The following PAPPA variants were observed in gnomAD, a reference collection of about 807,000 sequenced individuals.
PAPPA encodes the protein pappalysin-1.
Under a neutral mutation model 164.0 loss-of-function variants are expected in PAPPA, and 60 were observed. The observed-to-expected ratio is 0.37, with a 90% CI of 0.30 to 0.45. The LOEUF (loss-of-function observed/expected upper bound fraction) is 0.45, where lower values mean the gene tolerates loss of function less well. Ranked by LOEUF, PAPPA falls within the 20% of genes least tolerant of loss-of-function variation. The probability of loss-of-function intolerance (pLI) is 1.00; values close to 1 mark genes in which losing one functional copy is unlikely to be tolerated. For missense variants in PAPPA, 1,782 were observed against 2,087.3 expected (o/e 0.85, Z 2.85); for synonymous variants, 875 against 814.1 (o/e 1.07, Z -1.27).
rs761491751 is a variant in PAPPA at position 116,211,712 on chromosome 9, C to T, written c.1698C>T (p.His566=). 3 of 1,614,142 alleles carry T rather than the reference C, an allele frequency of 1.9e-6. No individual in the cohort carries two copies. The highest frequency in any genetic ancestry group is 1.1e-5 in the South Asian group (1 of 91,090). The change falls in exon 4 of 22, where the codon CAC becomes CAT. Residue 566 remains histidine, a synonymous_variant. Coordinates refer to ENST00000328252, the MANE Select transcript of PAPPA (RefSeq NM_002581.5). The stretch of plus-strand genomic sequence containing the variant: ...ACACCATGATCCATGAGATTGGTCA[C>T]AGCCTGGGCCTCTATCACGTCTTCC... The part of the protein sequence containing the change: ...HTHTMIHEIG[H]SLGLYHVFRG...
rs1222586652 is a variant in PAPPA, at chr9:116,302,747, T to A, written c.2954-10T>A. ...TTTATTCTCTCCCTTTCTATGTCAA[T>A]CTTTTGCAGATGAACCCAGCCGGTG... On this transcript the variant is annotated splice_polypyrimidine_tract_variant and intron_variant, in intron 9 of 21. Transcript: ENST00000328252. The A allele has an allele frequency of 6.2e-7, 1 of 1,604,126 alleles. No homozygotes were observed.
chr9:116,184,382 T>C (rs1843944841), intron 1 of PAPPA, among the ~76,000 whole-genome samples: 1 of 152,192 alleles, frequency 6.6e-6, no homozygotes, highest in African/African-American at 2.4e-5. Flanking sequence ...GAGGAGGACC[T>C]GGGCTTTTTT....
At chr9:116,302,113 A>G (rs1050347028) in intron 9 of PAPPA, among the ~76,000 whole-genome samples, 1 of 152,248 alleles carries the variant, frequency 6.6e-6, no homozygotes, top group African/African-American at 2.4e-5. Flanking sequence ...CAAGTTATTA[A>G]AGATGTATGG....
chr9:116,339,328 C>T (rs190795553), intron 13 of PAPPA, among the ~76,000 whole-genome samples: 2 of 152,262 alleles, frequency 1.3e-5, no homozygotes, highest in Admixed American at 1.3e-4. Context: ...AAGCGCTCTG[C>T]TCTTTGGCCA....
chr9:116,267,924 A>G (rs1845091039), intron 8 of PAPPA, among the ~76,000 whole-genome samples: 2 of 151,632 alleles, frequency 1.3e-5, no homozygotes, highest in African/African-American at 2.4e-5. Context: ...TGGCATTAAA[A>G]AAATATTGGC....
In PAPPA at chr9:116,196,535, T is replaced by A. The variant is rs578237099; in HGVS notation, c.1478+8319T>A. On this transcript the variant is annotated intron_variant, in intron 2 of 21. Coordinates refer to ENST00000328252, the MANE Select transcript of PAPPA (RefSeq NM_002581.5). The stretch of plus-strand genomic sequence containing the variant: ...TTTGTTTTATTGAAATACATTTTCC[T>A]AAGTTGGTTACAGCTCAGCTTGTTG... Among the ~76,000 whole-genome samples, 5 of 152,352 alleles carry A rather than the reference T, an allele frequency of 3.3e-5. No individual in the cohort carries two copies. In the East Asian group the frequency reaches 9.6e-4, roughly 29 times the overall value.
At chr9:116,248,677 T>A (rs948671216) in intron 7 of PAPPA, among the ~76,000 whole-genome samples, 1 of 152,192 alleles carries the variant, frequency 6.6e-6, no homozygotes, top group Admixed American at 6.5e-5. Flanking sequence ...AACTTGACAC[T>A]GAGATATTAG....
At chr9:116,222,774 T>C (rs1420703411) in intron 5 of PAPPA, among the ~76,000 whole-genome samples, 1 of 152,190 alleles carries the variant, frequency 6.6e-6, no homozygotes, top group Non-Finnish European at 1.5e-5. Flanking sequence ...AGTGATCTGT[T>C]GCACAGAATG....
chr9:116,371,946 T>C (rs1846580935), intron 19 of PAPPA, among the ~76,000 whole-genome samples: 1 of 152,194 alleles, frequency 6.6e-6, no homozygotes, highest in South Asian at 2.1e-4. Context: ...TCACTACGAA[T>C]TGGTTTTGCT....
intron 5 of PAPPA, among the ~76,000 whole-genome samples, chr9:116,226,065 C>T (rs1019121115): frequency 2.0e-5 from 3 of 152,130 alleles, no homozygotes; most frequent in African/African-American, 7.2e-5. Flanking sequence ...GGAGGAGAAA[C>T]ATCAGCCAAG....
intron 20 of PAPPA, among the ~76,000 whole-genome samples, chr9:116,379,285 A>G (rs991679320): frequency 6.6e-6 from 1 of 152,184 alleles, no homozygotes; most frequent in Non-Finnish European, 1.5e-5. Flanking sequence ...CTTAGAAGAC[A>G]TACAAACTCT....
intron 20 of PAPPA, among the ~76,000 whole-genome samples, chr9:116,378,592 T>C (rs1035117245): frequency 1.3e-5 from 2 of 152,198 alleles, no homozygotes; most frequent in African/African-American, 2.4e-5. Context: ...CTTTTATTTT[T>C]AAAATGGGTA....
intron 7 of PAPPA, among the ~76,000 whole-genome samples, chr9:116,257,299 A>T (rs1056956136): frequency 1.3e-5 from 2 of 152,066 alleles, no homozygotes; most frequent in Non-Finnish European, 2.9e-5. Flanking sequence ...TGAAAAAATT[A>T]TAGTAAACTG....
chr9:116,199,805 G>T (rs1461047525), intron 2 of PAPPA, among the ~76,000 whole-genome samples: 1 of 152,112 alleles, frequency 6.6e-6, no homozygotes, highest in South Asian at 2.1e-4. Context: ...TCTGGGGAGG[G>T]ACTCAAACTG....
intron 5 of PAPPA, among the ~76,000 whole-genome samples, chr9:116,224,661 GC>G (rs1159854797): frequency 6.6e-6 from 1 of 152,164 alleles, no homozygotes; most frequent in East Asian, 1.9e-4. Context: ...TAAGATTATA[GC>G]CATTAGCCAA....
At chr9:116,201,541 C>G (rs139390458) in intron 2 of PAPPA, among the ~76,000 whole-genome samples, 2 of 152,324 alleles carry the variant, frequency 1.3e-5, no homozygotes, top group African/African-American at 4.8e-5. Context: ...GGCCAGTTTT[C>G]TTTCAATCCA....
rs756889340 is a variant in PAPPA, at chr9:116,207,595, C to T, written c.1618C>T (p.His540Tyr). Residue 540 changes from histidine to tyrosine, a missense_variant, in exon 3 of 22, where the codon CAC becomes TAC. His to Tyr is a moderately conservative substitution (Grantham distance 83). Coordinates refer to ENST00000328252, the MANE Select transcript of PAPPA (RefSeq NM_002581.5). ...TWPWDKEALM[H>Y]LGGIVLNPSF... ...GCCATGGGACAAGGAGGCCCTGATG[C>T]ACTTAGGTGAGTCTTAGAAACTCCT... 6.2e-7 allele frequency: 1 copy of T among 1,612,538 alleles called. No individual in the cohort carries two copies. The highest frequency in any genetic ancestry group is 8.5e-7 in the Non-Finnish European group (1 of 1,179,208).
rs528661261 is a variant in PAPPA, at chr9:116,353,013, G to C, written c.4175+97G>C. The C allele has an allele frequency of 7.2e-6, 6 of 835,548 alleles. No homozygotes were observed. In the East Asian group the frequency reaches 1.6e-4, roughly 22 times the overall value. 51.8% of individuals were successfully genotyped at this position (835,548 alleles called of 1,614,324 possible). A position where few individuals can be genotyped will look rare whatever the true frequency, so the allele number is the denominator to read the frequency against. Reference sequence around the variant, plus strand: ...CGGAAGCACTCATTTCTTCACTGGAGGTAATGACTGCCATTCATCCCATTC... The same window carrying C: ...CGGAAGCACTCATTTCTTCACTGGACGTAATGACTGCCATTCATCCCATTC... On this transcript the variant is annotated intron_variant, in intron 16 of 21. Transcript: ENST00000328252.
At chr9:116,210,949 C>T (rs1398835153) in intron 3 of PAPPA, among the ~76,000 whole-genome samples, 2 of 152,128 alleles carry the variant, frequency 1.3e-5, no homozygotes, top group East Asian at 1.9e-4. Flanking sequence ...TAACATTCAG[C>T]AAATATTCAA....
Sources: allele counts gnomAD v4.1 joint callset (sites outside exome capture counted in the v4.1 genomes callset), GRCh38; gene constraint gnomAD v4.1.1; transcripts MANE v1.5; gene names NCBI Gene and HGNC (gene_info 2026-07-23, HGNC 2026-07-21).